The following TP53RK variants were observed in gnomAD, a reference collection of about 807,000 sequenced individuals.
The protein encoded by TP53RK is EKC/KEOPS complex subunit TP53RK.
Under a neutral mutation model 14.9 loss-of-function variants are expected in TP53RK, and 17 were observed. The ratio of observed to expected loss-of-function variants is 1.14; its 90% CI spans 0.78 to 1.71. TP53RK has a LOEUF of 1.71. Among genes scored for constraint, TP53RK ranks in the 40% most tolerant of loss-of-function variants. TP53RK has a pLI of 0.00. For missense variants in TP53RK, 343 were observed against 332.0 expected, an observed-to-expected ratio of 1.03 and a Z score of -0.26; for synonymous variants, 131 against 138.0, an observed-to-expected ratio of 0.95 and a Z score of 0.36.
intron 1 of TP53RK, 66 bp downstream of exon 1, chr20:46,689,066 A>T (rs1357993318): frequency 7.6e-6 from 10 of 1,322,540 alleles, no homozygotes; most frequent in Admixed American, 4.0e-5. Flanking sequence ...AGCGCAGGGG[A>T]GTCCCTCACC....
chr20:46,685,073 A>G lies in TP53RK; in HGVS notation c.*1680T>C, dbSNP rs975932938. The G allele has an allele frequency of 3.2e-4, 48 of 152,348 alleles. No individual in the cohort carries two copies. Among genetic ancestry groups the G allele is most frequent in the African/African-American group, 1.1e-3 (46 of 41,584 alleles). 9.4% of individuals were successfully genotyped at this position (152,348 alleles called of 1,614,324 possible). A position where few individuals can be genotyped will look rare whatever the true frequency, so the allele number is the denominator to read the frequency against. On this transcript the variant is annotated 3_prime_UTR_variant, in exon 2 of 2. Coordinates refer to ENST00000372114, the MANE Select transcript of TP53RK (RefSeq NM_033550.4). ...ATCCAATATAAAAATTCCCAGCCCA[A>G]TGCCTGGCATGCAGTAAGCAGGCAA...
At position 46,686,963 on chromosome 20, in the gene TP53RK, A is replaced by G. The variant is rs1169142633; in HGVS notation, c.552T>C (p.Phe184=). Reference sequence around the variant, plus strand: ...GAAGTGCTGAAATGAAACTCAGCCCAAAGTCTATGAGCACAATGTTCAGCT... The same window carrying G: ...GAAGTGCTGAAATGAAACTCAGCCCGAAGTCTATGAGCACAATGTTCAGCT... ...LEQLNIVLID[F]GLSFISALPE... Residue 184 remains phenylalanine (F), a synonymous_variant, in exon 2 of 2, where the codon TTT becomes TTC. Transcript: ENST00000372114. The G allele has an allele frequency of 4.3e-6, 7 of 1,614,214 alleles. No individual in the cohort carries two copies. The highest frequency in any genetic ancestry group is 5.9e-6 in the Non-Finnish European group (7 of 1,180,026).
rs1399256943 is a variant in TP53RK at position 46,686,610 on chromosome 20, A to G, written c.*143T>C. 1.4e-6 allele frequency: 1 copy of G among 731,240 alleles called. No individual in the cohort carries two copies. The highest frequency in any genetic ancestry group is 2.3e-6 in the Non-Finnish European group (1 of 435,710). The allele number at this position is 731,240 out of a possible 1,614,324, so 45.3% of individuals were successfully genotyped here. A position where few individuals can be genotyped will look rare whatever the true frequency, so the allele number is the denominator to read the frequency against. On this transcript the variant is annotated 3_prime_UTR_variant, in exon 2 of 2. Transcript: ENST00000372114. Reference sequence around the variant, plus strand: ...AGACACATAGTAAGCTCTTGAGTGAAGTGCAGATGATAATGACACGATCAC... The same window carrying G: ...AGACACATAGTAAGCTCTTGAGTGAGGTGCAGATGATAATGACACGATCAC...
rs1011562428 is a variant in TP53RK at position 46,685,949 on chromosome 20, C to A, written c.*804G>T. 3.3e-5 allele frequency: 5 copies of A among 152,222 alleles called. No homozygotes were observed. Among genetic ancestry groups the A allele is most frequent in the Non-Finnish European group, 5.9e-5 (4 of 68,046 alleles). The allele number at this position is 152,222 out of a possible 1,614,324, so 9.4% of individuals were successfully genotyped here. ...TCATCAAACTTCAGTCTTCACAAGT[C>A]ACTTCACCATTTTTGCTCTACCTAC... On this transcript the variant is annotated 3_prime_UTR_variant, in exon 2 of 2. Coordinates refer to ENST00000372114, the MANE Select transcript of TP53RK (RefSeq NM_033550.4).
chr20:46,685,266 G>C lies in TP53RK; in HGVS notation c.*1487C>G, dbSNP rs1276449447. 6.6e-6 allele frequency: 1 copy of C among 152,190 alleles called. No homozygotes were observed. The highest frequency in any genetic ancestry group is 1.5e-5 in the Non-Finnish European group (1 of 68,044). 9.4% of individuals were successfully genotyped at this position (152,190 alleles called of 1,614,324 possible). A position where few individuals can be genotyped will look rare whatever the true frequency, so the allele number is the denominator to read the frequency against. On this transcript the variant is annotated 3_prime_UTR_variant, in exon 2 of 2. Transcript: ENST00000372114. ...TAGAATGTTTGCTTCATAAGAACAGGCACTGACTGTATCATCTCTGAACAC... is the reference window on the plus strand; with the variant it reads ...TAGAATGTTTGCTTCATAAGAACAGCCACTGACTGTATCATCTCTGAACAC...
At position 46,689,133 on chromosome 20, in the gene TP53RK, A is replaced by G. The variant is rs2063195133; in HGVS notation, c.282T>C (p.Ala94=). ...EARALLRCRR[A]GISAPVVFFV... is the part of the protein sequence containing the mutation. ...CGCCGGGATCCCGGCCCACCTTACC[A>G]GCGCGGCGACAGCGGAGGAGCGCCC... Residue 94 remains alanine, a splice_region_variant and synonymous_variant, in exon 1 of 2, where the codon GCT becomes GCC. Coordinates refer to ENST00000372114, the MANE Select transcript of TP53RK (RefSeq NM_033550.4). The G allele has an allele frequency of 2.2e-6, 3 of 1,387,388 alleles. No individual in the cohort carries two copies. The highest frequency in any genetic ancestry group is 3.2e-5 in the South Asian group (2 of 61,558). 85.9% of individuals were successfully genotyped at this position (1,387,388 alleles called of 1,614,324 possible).
Position 46,685,910 on chromosome 20 carries a change from C to A in TP53RK, c.*843G>T, listed in dbSNP as rs1192935910. 4 of 152,222 alleles carry A rather than the reference C, an allele frequency of 2.6e-5. No individual in the cohort carries two copies. Among genetic ancestry groups the A allele is most frequent in the South Asian group, 2.1e-4 (1 of 4,834 alleles). 9.4% of individuals were successfully genotyped at this position (152,222 alleles called of 1,614,324 possible). On this transcript the variant is annotated 3_prime_UTR_variant, in exon 2 of 2. Transcript: ENST00000372114. ...TGCATCCACACTCAGTTTACCTGTG[C>A]CTTAAACCAGACTTCATCAAACTTC... is the stretch of plus-strand genomic sequence containing the variant.
intron 1 of TP53RK, 121 bp from the exon 2 acceptor site, chr20:46,687,352 T>TTGTCTC: frequency 1.1e-6 from 1 of 880,622 alleles, no homozygotes. Flanking sequence ...TGAGGAATGC[T>TTGTCTC]ACAGGAAATG....
rs2063179467 is a variant in TP53RK, at chr20:46,686,212, C to T, written c.*541G>A. ...GACCCTGAAAGAGAAATATATTTGA[C>T]ATCAAAACTCAGCACATATCCTTGG... is the stretch of plus-strand genomic sequence containing the variant. On this transcript the variant is annotated 3_prime_UTR_variant, in exon 2 of 2. Transcript: ENST00000372114. 1 of 152,174 alleles carries T rather than the reference C, an allele frequency of 6.6e-6. No individual in the cohort carries two copies. The highest frequency in any genetic ancestry group is 1.5e-5 in the Non-Finnish European group (1 of 68,054). 9.4% of individuals were successfully genotyped at this position (152,174 alleles called of 1,614,324 possible).
At position 46,687,023 on chromosome 20, in the gene TP53RK, G is replaced by C. The variant is rs1030589873; in HGVS notation, c.492C>G (p.Thr164=). 4 of 1,614,052 alleles carry C rather than the reference G, an allele frequency of 2.5e-6. No individual in the cohort carries two copies. The African/African-American group carries it at 5.3e-5, about 22-fold the overall frequency. ...HDEDLIHGDL[T]TSNMLLKPPL... ...GGGGTTTCAGGAGCATGTTGGAGGT[G>C]GTGAGATCACCATGAATGAGGTCTT... Residue 164 remains threonine, a synonymous_variant, in exon 2 of 2, where the codon ACC becomes ACG. Transcript: ENST00000372114.
intron 1 of TP53RK, among the ~76,000 whole-genome samples, chr20:46,687,593 G>C (rs553920836): frequency 6.6e-6 from 1 of 152,104 alleles, no homozygotes; most frequent in Non-Finnish European, 1.5e-5. Flanking sequence ...GGAGGCAGGC[G>C]GATCACTTGA....
In TP53RK at chr20:46,689,407, G is replaced by T; in HGVS notation, c.8C>A (p.Ala3Glu). MA[A>E]ARATTPADGE... ...ATCGGCCGGCGTAGTAGCTCTGGCCGCCGCCATGACTGCTCGGCGCAACAG... is the reference window on the plus strand; with the variant it reads ...ATCGGCCGGCGTAGTAGCTCTGGCCTCCGCCATGACTGCTCGGCGCAACAG... Residue 3 changes from alanine to glutamate, a missense_variant, in exon 1 of 2, where the codon GCG becomes GAG. Transcript: ENST00000372114. 1 of 1,555,724 alleles carries T rather than the reference G, an allele frequency of 6.4e-7. No homozygotes were observed. The highest frequency in any genetic ancestry group is 8.6e-7 in the Non-Finnish European group (1 of 1,162,568).
At chr20:46,688,264 C>A (rs2063189839) in intron 1 of TP53RK, among the ~76,000 whole-genome samples, 1 of 152,214 alleles carries the variant, frequency 6.6e-6, no homozygotes, top group Non-Finnish European at 1.5e-5. Context: ...GAATATCCCC[C>A]ACCCAGATCT....
Position 46,689,218 on chromosome 20 carries a change from C to G in TP53RK, c.197G>C (p.Gly66Ala). The G allele has an allele frequency of 6.5e-7, 1 of 1,528,764 alleles. No individual in the cohort carries two copies. Among genetic ancestry groups the G allele is most frequent in the Non-Finnish European group, 8.7e-7 (1 of 1,144,706 alleles). The allele number at this position is 1,528,764 out of a possible 1,614,324, so 94.7% of individuals were successfully genotyped here. ...AAVIKHRFPK[G>A]YRHPALEARL... ...CGCCTCCAGCGCCGGGTGCCGGTAG[C>G]CCTTGGGGAAGCGGTGCTTGATCAC... The change falls in exon 1 of 2, where the codon GGC (glycine) becomes GCC (alanine). Residue 66 changes from glycine to alanine, a missense_variant. By Grantham distance (60) the Gly-to-Ala change is moderately conservative. Coordinates refer to ENST00000372114, the MANE Select transcript of TP53RK (RefSeq NM_033550.4).
rs1056250796 is a variant in TP53RK at position 46,685,484 on chromosome 20, G to A, written c.*1269C>T. 1 of 152,204 alleles carries A rather than the reference G, an allele frequency of 6.6e-6. No individual in the cohort carries two copies. Among genetic ancestry groups the A allele is most frequent in the African/African-American group, 2.4e-5 (1 of 41,458 alleles). The allele number at this position is 152,204 out of a possible 1,614,324, so 9.4% of individuals were successfully genotyped here. A position where few individuals can be genotyped will look rare whatever the true frequency, so the allele number is the denominator to read the frequency against. ...GTGTGATGACAACAGTGTGCAGAGG[G>A]AAATTCATAGCTGCAAATGTCCATA... is the stretch of plus-strand genomic sequence containing the variant. On this transcript the variant is annotated 3_prime_UTR_variant, in exon 2 of 2. Coordinates refer to ENST00000372114, the MANE Select transcript of TP53RK (RefSeq NM_033550.4).
chr20:46,687,366 C>T lies in TP53RK; in HGVS notation c.284-135G>A, dbSNP rs1021395838. ...TTGAGGAATGCTACAGGAAATGGTACAACTGAACTCATCTGGAATATTCCC... is the reference window on the plus strand; with the variant it reads ...TTGAGGAATGCTACAGGAAATGGTATAACTGAACTCATCTGGAATATTCCC... On this transcript the variant is annotated intron_variant, in intron 1 of 1. Transcript: ENST00000372114. 1.7e-5 allele frequency: 14 copies of T among 804,584 alleles called. No individual in the cohort carries two copies. In the African/African-American group the frequency reaches 1.9e-4, roughly 11 times the overall value. The allele number at this position is 804,584 out of a possible 1,614,324, so 49.8% of individuals were successfully genotyped here. A position where few individuals can be genotyped will look rare whatever the true frequency, so the allele number is the denominator to read the frequency against.
At chr20:46,687,513 C>G (rs2063185847) in intron 1 of TP53RK, among the ~76,000 whole-genome samples, 1 of 152,106 alleles carries the variant, frequency 6.6e-6, no homozygotes, top group Non-Finnish European at 1.5e-5. Context: ...CACACTCACT[C>G]TCTAAAAAAC....
At chr20:46,688,614 T>A (rs2063191646) in intron 1 of TP53RK, among the ~76,000 whole-genome samples, 1 of 152,156 alleles carries the variant, frequency 6.6e-6, no homozygotes, top group African/African-American at 2.4e-5. Flanking sequence ...GGTCACAACA[T>A]CCCTATGACA....
In TP53RK at chr20:46,684,471, G is replaced by C. The variant is rs780543833; in HGVS notation, c.*2282C>G. On this transcript the variant is annotated 3_prime_UTR_variant, in exon 2 of 2. Transcript: ENST00000372114. ...GGGAAACAAACACACCCTTCTCCAC[G>C]TGGCAGCAGGAAGTGCCGAACAAGA... is the stretch of plus-strand genomic sequence containing the variant. 2.6e-5 allele frequency: 4 copies of C among 152,194 alleles called. No homozygotes were observed. Among genetic ancestry groups the C allele is most frequent in the African/African-American group, 9.7e-5 (4 of 41,440 alleles). 9.4% of individuals were successfully genotyped at this position (152,194 alleles called of 1,614,324 possible).
Sources: gnomAD v4.1 joint callset for allele counts (sites outside exome capture counted in the v4.1 genomes callset) on GRCh38, gnomAD v4.1.1 for gene constraint, MANE v1.5 for transcripts, NCBI Gene and HGNC (gene_info 2026-07-23, HGNC 2026-07-21) for gene names.